Variants in MLLT3 observed in about 807,000 individuals in gnomAD.
MLLT3 encodes the protein protein AF-9.
A neutral mutation model predicts 53.2 loss-of-function variants in MLLT3; 4 were observed. The ratio of observed to expected loss-of-function variants is 0.08; its 90% CI spans 0.04 to 0.17. MLLT3 has a LOEUF of 0.17. Ranked by LOEUF, MLLT3 falls within the 10% of genes least tolerant of loss-of-function variation. The pLI is 1.00. For missense variants in MLLT3, 569 were observed against 684.0 expected (o/e 0.83, Z 1.87); for synonymous variants, 283 against 230.6 (o/e 1.23, Z -2.06).
chr9:20,447,190 C>G (rs377238874), intron 4 of MLLT3, among the ~76,000 whole-genome samples: 2 of 152,136 alleles, frequency 1.3e-5, no homozygotes, highest in Non-Finnish European at 2.9e-5. Context: ...CACAAAAAAA[C>G]CACCTGCTTC....
chr9:20,373,248 A>G (rs910325651), intron 5 of MLLT3, among the ~76,000 whole-genome samples: 1 of 152,052 alleles, frequency 6.6e-6, no homozygotes, highest in African/African-American at 2.4e-5. Flanking sequence ...TAGGTCACAT[A>G]CTCCTCTACT....
At chr9:20,353,626 C>T (rs780781552) in intron 9 of MLLT3, 30 bp from the exon 10 acceptor site, 2 of 1,579,304 alleles carry the variant, frequency 1.3e-6, no homozygotes, top group South Asian at 2.2e-5. Flanking sequence ...CCGAAAAGGA[C>T]AAGCACTTTA....
intron 6 of MLLT3, among the ~76,000 whole-genome samples, chr9:20,365,349 C>CT (rs1265751593): frequency 2.6e-5 from 4 of 151,312 alleles, no homozygotes; most frequent in Non-Finnish European, 4.4e-5. Flanking sequence ...GTTTTGTTTT[C>CT]TTTTTTTTGA....
intron 2 of MLLT3, among the ~76,000 whole-genome samples, chr9:20,537,225 G>C (rs1818512011): frequency 6.6e-6 from 1 of 151,910 alleles, no homozygotes; most frequent in African/African-American, 2.4e-5. Context: ...ATTAAAGCTG[G>C]GCAAGAAAGA....
rs1587001368 is a variant in MLLT3, at chr9:20,502,400, T to C, written c.194-45614A>G. The C allele has an allele frequency of 2.0e-5, 3 of 152,692 alleles. No individual in the cohort carries two copies. The South Asian group carries it at 6.2e-4, about 31-fold the overall frequency. The allele number at this position is 152,692 out of a possible 1,614,324, so 9.5% of individuals were successfully genotyped here. ...GTAAGGAGCTGAATTCTACAGGTAA[T>C]AGCTAGCCACCAAGTATTTTTAAGA... On this transcript the variant is annotated intron_variant, in intron 2 of 10. Transcript: ENST00000380338.
At chr9:20,523,238 T>C (rs1818114855) in intron 2 of MLLT3, among the ~76,000 whole-genome samples, 1 of 152,322 alleles carries the variant, frequency 6.6e-6, no homozygotes, top group Non-Finnish European at 1.5e-5. Context: ...GGTGAGGATA[T>C]GGAGCAACAG....
intron 2 of MLLT3, among the ~76,000 whole-genome samples, chr9:20,504,145 G>A (rs1464829257): frequency 6.6e-6 from 1 of 152,058 alleles, no homozygotes; most frequent in Non-Finnish European, 1.5e-5. Flanking sequence ...AAAATTTTAA[G>A]GTTCCTCAAA....
chr9:20,421,726 A>T (rs1333748261), intron 4 of MLLT3, among the ~76,000 whole-genome samples: 1 of 152,168 alleles, frequency 6.6e-6, no homozygotes, highest in Non-Finnish European at 1.5e-5. Context: ...AATTTCTTGA[A>T]TTAAAAACTC....
intron 2 of MLLT3, among the ~76,000 whole-genome samples, chr9:20,504,657 G>A (rs1366618434): frequency 6.6e-6 from 1 of 151,984 alleles, no homozygotes; most frequent in Admixed American, 6.5e-5. Flanking sequence ...ATAAGTTCAA[G>A]AGATTTATTG....
intron 5 of MLLT3, among the ~76,000 whole-genome samples, chr9:20,404,086 G>T (rs1340860251): frequency 6.6e-6 from 1 of 152,096 alleles, no homozygotes; most frequent in Admixed American, 6.6e-5. Flanking sequence ...CTCCCAAAGT[G>T]CCGGGACTAC....
intron 2 of MLLT3, among the ~76,000 whole-genome samples, chr9:20,523,483 T>C (rs1159188442): frequency 6.6e-6 from 1 of 152,170 alleles, no homozygotes; most frequent in Non-Finnish European, 1.5e-5. Flanking sequence ...TGTCCTTCAG[T>C]AGATGAAGAG....
In MLLT3 at chr9:20,346,181, G is replaced by T; in HGVS notation, c.*262C>A. 2.7e-6 allele frequency: 1 copy of T among 371,998 alleles called. No individual in the cohort carries two copies. The highest frequency in any genetic ancestry group is 4.9e-6 in the Non-Finnish European group (1 of 205,742). 23.0% of individuals were successfully genotyped at this position (371,998 alleles called of 1,614,324 possible). A position where few individuals can be genotyped will look rare whatever the true frequency, so the allele number is the denominator to read the frequency against. Reference sequence around the variant, plus strand: ...TTTGTTTGTTTTCAAGGCTATCCAGGCTAACTCTTCCCGGGGATTTCCTTG... The same window carrying T: ...TTTGTTTGTTTTCAAGGCTATCCAGTCTAACTCTTCCCGGGGATTTCCTTG... On this transcript the variant is annotated 3_prime_UTR_variant, in exon 11 of 11. Transcript: ENST00000380338.
intron 2 of MLLT3, among the ~76,000 whole-genome samples, chr9:20,472,633 A>AAT (rs879883865): frequency 1.3e-5 from 2 of 152,090 alleles, no homozygotes; most frequent in Non-Finnish European, 2.9e-5. Context: ...TATAAAGAAA[A>AAT]ATATATATAA....
chr9:20,342,717 A>C lies in MLLT3; in HGVS notation c.*3726T>G, dbSNP rs1820765919. ...AGATGTAGACTTCCAGCCCGAGACT[A>C]AACTAAACCATGGGAATTGACTCCT... is the stretch of plus-strand genomic sequence containing the variant. On this transcript the variant is annotated 3_prime_UTR_variant, in exon 11 of 11. Transcript: ENST00000380338. 4.9e-6 allele frequency: 1 copy of C among 206,076 alleles called. No homozygotes were observed. Among genetic ancestry groups the C allele is most frequent in the Admixed American group, 6.0e-5 (1 of 16,784 alleles). 12.8% of individuals were successfully genotyped at this position (206,076 alleles called of 1,614,324 possible).
chr9:20,539,825 A>G (rs1818580254), intron 2 of MLLT3, among the ~76,000 whole-genome samples: 2 of 152,138 alleles, frequency 1.3e-5, no homozygotes, highest in African/African-American at 4.8e-5. Context: ...CATTAACTCA[A>G]AAGTCCAAGT....
chr9:20,375,851 G>A (rs189843479), intron 5 of MLLT3, among the ~76,000 whole-genome samples: 15 of 151,620 alleles, frequency 9.9e-5, no homozygotes, highest in Admixed American at 8.5e-4. Context: ...CTCGTGATCC[G>A]CCCGCCTCAG....
chr9:20,584,195 T>C (rs920366455), intron 2 of MLLT3, among the ~76,000 whole-genome samples: 1 of 152,178 alleles, frequency 6.6e-6, no homozygotes, highest in African/African-American at 2.4e-5. Flanking sequence ...AGAGTCACCT[T>C]TGCTCCTGTT....
chr9:20,565,988 TTATA>T (rs1295720165), intron 2 of MLLT3, among the ~76,000 whole-genome samples: 1 of 69,442 alleles, frequency 1.4e-5, no homozygotes, highest in Non-Finnish European at 2.9e-5. Flanking sequence ...ATATATTTAT[TTATA>T]TATTTATTTA....
At chr9:20,528,344 T>G (rs1316305947) in intron 2 of MLLT3, among the ~76,000 whole-genome samples, 1 of 152,268 alleles carries the variant, frequency 6.6e-6, no homozygotes, top group African/African-American at 2.4e-5. Flanking sequence ...TATACTGCTG[T>G]GTAGACAGGG....
Sources: gnomAD v4.1 joint callset for allele counts (sites outside exome capture counted in the v4.1 genomes callset) on GRCh38, gnomAD v4.1.1 for gene constraint, MANE v1.5 for transcripts, NCBI Gene and HGNC (gene_info 2026-07-23, HGNC 2026-07-21) for gene names.